Variants in MUC4 observed in about 807,000 individuals in gnomAD.
The protein encoded by MUC4 is mucin 4, cell surface associated.
Under a neutral mutation model 257.9 loss-of-function variants are expected in MUC4, and 202 were observed. The observed-to-expected ratio is 0.78, with a 90% CI of 0.70 to 0.88. The LOEUF (loss-of-function observed/expected upper bound fraction) is 0.88. Among genes scored for constraint, MUC4 ranks in the 40% least tolerant of loss-of-function variants. MUC4 has a pLI of 0.00. For missense variants in MUC4, 5,976 were observed against 6,513.7 expected (o/e 0.92, Z 2.84); for synonymous variants, 2,351 against 2,757.1 (o/e 0.85, Z 4.62).
At chr3:195,792,912 CAT>C (rs1734046227) in intron 1 of MUC4, among the ~76,000 whole-genome samples, 1 of 152,128 alleles carries the variant, frequency 6.6e-6, no homozygotes, top group African/African-American at 2.4e-5. Context: ...TGTTTTCACT[CAT>C]AAGTTGGAGT....
At chr3:195,792,095 A>C (rs182281188) in intron 1 of MUC4, among the ~76,000 whole-genome samples, 140 of 152,326 alleles carry the variant, frequency 9.2e-4, no homozygotes, top group Non-Finnish European at 1.8e-3. Flanking sequence ...TTTATGATGA[A>C]ATCTCCAAAA....
At chr3:195,750,590 T>C (rs1244388684) in intron 23 of MUC4, 2 of 502,372 alleles carry the variant, frequency 4.0e-6, no homozygotes, top group Admixed American at 3.6e-5. Flanking sequence ...TGCAATGGCA[T>C]TTTAAGAAAA....
chr3:195,800,794 T>C (rs1735196784), intron 1 of MUC4, among the ~76,000 whole-genome samples: 2 of 150,360 alleles, frequency 1.3e-5, no homozygotes, highest in African/African-American at 4.9e-5. Flanking sequence ...TGGTAGCTCA[T>C]GCCTAAAATC....
In MUC4 at chr3:195,779,382, A is replaced by G. The variant is rs1204009188; in HGVS notation, c.12198T>C (p.His4066=). Residue 4066 remains histidine, a synonymous_variant, in exon 2 of 25, where the codon CAT becomes CAC. Transcript: ENST00000463781. ...SLSTGHATPL[H]VTSPSSASRG... ...TGGATGCTGAGGAAGGGCTGGTGAC[A>G]TGAAGAGGGGTGGCGTGACCTGTGG... 1.5e-5 allele frequency: 18 copies of G among 1,213,628 alleles called. 4 individuals carry two copies. The Admixed American group carries it at 3.4e-4, about 23-fold the overall frequency. The allele number at this position is 1,213,628 out of a possible 1,614,324, so 75.2% of individuals were successfully genotyped here.
chr3:195,811,041 C>T lies in MUC4; in HGVS notation c.82+695G>A, dbSNP rs1379569803. Among the ~76,000 whole-genome samples, 3 of 152,198 alleles carry T rather than the reference C, an allele frequency of 2.0e-5. No individual in the cohort carries two copies. The Middle Eastern group carries it at 0.01, about 518-fold the overall frequency. Reference sequence around the variant, plus strand: ...CCTCTGTTCTCTTTTCTCTCTCTTTCGAGCATTCTCCCTCTGTCTTTCCCC... The same window carrying T: ...CCTCTGTTCTCTTTTCTCTCTCTTTTGAGCATTCTCCCTCTGTCTTTCCCC... On this transcript the variant is annotated intron_variant, in intron 1 of 24. Transcript: ENST00000463781.
At chr3:195,809,950 G>C (rs1261023048) in intron 1 of MUC4, 2 of 152,604 alleles carry the variant, frequency 1.3e-5, no homozygotes, top group Non-Finnish European at 2.9e-5. Context: ...CTAAATCCAA[G>C]CTGCCTCCCC....
chr3:195,774,244 C>G lies in MUC4; in HGVS notation c.13005G>C (p.Val4335=). Residue 4335 remains valine, a synonymous_variant, in exon 4 of 25, where the codon GTG becomes GTC. Transcript: ENST00000463781. ...GCTTGAAGAGTGGGGAGGTGAAGTC[C>G]ACGGTCCTCCTGACGAACTCCAGGT... ...AGDLEFVRRT[V]DFTSPLFKPA... is the part of the protein sequence containing the mutation. 6.2e-7 allele frequency: 1 copy of G among 1,603,214 alleles called. No individual in the cohort carries two copies. The highest frequency in any genetic ancestry group is 2.3e-5 in the East Asian group (1 of 43,940).
chr3:195,784,981 G>A lies in MUC4; in HGVS notation c.6599C>T (p.Ser2200Leu). 6.7e-7 allele frequency: 1 copy of A among 1,489,804 alleles called. No individual in the cohort carries two copies. The highest frequency in any genetic ancestry group is 9.1e-7 in the Non-Finnish European group (1 of 1,102,922). 92.3% of individuals were successfully genotyped at this position (1,489,804 alleles called of 1,614,324 possible). Residue 2200 changes from serine (S) to leucine (L), a missense_variant, in exon 2 of 25, where the codon TCA becomes TTA. Transcript: ENST00000463781. ...ATPLPVTDTS[S>L]ASTGQATPLP... ...AGGGGTGGCCTGACCTGTGGATGCT[G>A]AGGAAGTGTCGGTGACAGGAAGAGG...
chr3:195,752,989 G>A (rs759596236), intron 20 of MUC4, 62 bp downstream of exon 20: 293 of 1,407,788 alleles, frequency 2.1e-4, no homozygotes, highest in Non-Finnish European at 2.7e-4. Context: ...GCGGAGTGCG[G>A]GGGTGAGAGG....
chr3:195,769,083 C>T lies in MUC4; in HGVS notation c.13468G>A (p.Gly4490Ser), dbSNP rs761654769. 74 of 1,614,004 alleles carry T rather than the reference C, an allele frequency of 4.6e-5. No homozygotes were observed. The highest frequency in any genetic ancestry group is 2.0e-4 in the East Asian group (9 of 44,890). The change falls in exon 7 of 25, where the codon GGT becomes AGT. Residue 4490 changes from glycine (G) to serine (S), a missense_variant. This residue lies in a region of MUC4 where 996 missense variants were observed against 1,137.3 expected (regional missense o/e 0.88). Coordinates refer to ENST00000463781, the MANE Select transcript of MUC4 (RefSeq NM_018406.7). ...TGGGCCACGTCCCACTGCATCCCAC[C>T]GCTCTGGTAGAGAAACAGGGCATAG... ...RSYALFLYQS[G>S]GMQWDVAQRS... is the part of the protein sequence containing the mutation.
chr3:195,807,735 G>C (rs1736160542), intron 1 of MUC4, among the ~76,000 whole-genome samples: 1 of 152,200 alleles, frequency 6.6e-6, no homozygotes. Flanking sequence ...CATATTTTAA[G>C]CACTTAACAG....
In MUC4 at chr3:195,783,840, G is replaced by C; in HGVS notation, c.7740C>G (p.Thr2580=). The C allele has an allele frequency of 6.7e-7, 1 of 1,490,868 alleles. No homozygotes were observed. The highest frequency in any genetic ancestry group is 9.0e-7 in the Non-Finnish European group (1 of 1,107,018). The allele number at this position is 1,490,868 out of a possible 1,614,324, so 92.4% of individuals were successfully genotyped here. A position where few individuals can be genotyped will look rare whatever the true frequency, so the allele number is the denominator to read the frequency against. The part of the protein sequence containing the change: ...STGHATPLPV[T]STSSASTGDT... ...CACCTGTGGATGCTGAGGAAGTGCT[G>C]GTGACAGGAAGAGGGGTGGCGTGAC... The change falls in exon 2 of 25, where the codon ACC becomes ACG. Residue 2580 remains threonine, a synonymous_variant. Transcript: ENST00000463781.
At chr3:195,760,747 T>C in intron 16 of MUC4, 137 bp downstream of exon 16, 1 of 735,132 alleles carries the variant, frequency 1.4e-6, no homozygotes, top group Non-Finnish European at 2.3e-6. Flanking sequence ...CTCTGAAGGG[T>C]TTGAGCAGAG....
chr3:195,764,994 C>T lies in MUC4; in HGVS notation c.13924+3G>A, dbSNP rs1359926117. On this transcript the variant is annotated splice_donor_region_variant and intron_variant, in intron 10 of 24. Transcript: ENST00000463781. ...GTGGGGTTGAGATCACGGACTCACG[C>T]ACCCAACTGCCAAGGACGCTGCACG... 1.2e-6 allele frequency: 2 copies of T among 1,613,480 alleles called. No homozygotes were observed. The highest frequency in any genetic ancestry group is 1.7e-6 in the Non-Finnish European group (2 of 1,179,746).
intron 21 of MUC4, 38 bp downstream of exon 21, chr3:195,752,335 C>T (rs779318288): frequency 3.2e-6 from 5 of 1,560,266 alleles, no homozygotes; most frequent in East Asian, 2.2e-5. Context: ...ACCCGCCAAG[C>T]GCCCCCTCCC....
chr3:195,782,180 C>T lies in MUC4; in HGVS notation c.9400G>A (p.Ala3134Thr), dbSNP rs1205405937. 153 of 1,296,398 alleles carry T rather than the reference C, an allele frequency of 1.2e-4. No individual in the cohort carries two copies. The highest frequency in any genetic ancestry group is 1.6e-4 in the Admixed American group (6 of 38,240). 80.3% of individuals were successfully genotyped at this position (1,296,398 alleles called of 1,614,324 possible). A position where few individuals can be genotyped will look rare whatever the true frequency, so the allele number is the denominator to read the frequency against. The change falls in exon 2 of 25, where the codon GCC becomes ACC. Residue 3134 changes from alanine (A) to threonine (T), a missense_variant. Around this residue, in one of 44 missense-constraint regions of MUC4, gnomAD observed 128 missense variants for 104.8 expected, o/e 1.22. Coordinates refer to ENST00000463781, the MANE Select transcript of MUC4 (RefSeq NM_018406.7). The part of the protein sequence containing the change: ...TDTSSASTGQ[A>T]TALPVTSTSS... ...GTGCTGGTGACAGGAAGAGCGGTGG[C>T]CTGACCTGTGGATGCTGAGGAAGTG...
At position 195,752,374 on chromosome 3, in the gene MUC4, G is replaced by A. The variant is rs765914627; in HGVS notation, c.15581C>T (p.Ser5194Leu). ...ENASMAEVNA[S>L]VAYRLGTLDM... The stretch of plus-strand genomic sequence containing the variant: ...CAGAGCGCGGCCTGCAGCACTGACC[G>A]AGGCGTTGACTTCTGCCATGGAGGC... Residue 5194 changes from serine to leucine, a missense_variant and splice_region_variant, in exon 21 of 25, where the codon TCG (serine) becomes TTG (leucine). Physicochemically the swap from Ser to Leu is moderately radical, Grantham distance 145 (BLOSUM62 -2). This residue lies in a region of MUC4 where 996 missense variants were observed against 1,137.3 expected (regional missense o/e 0.88). Coordinates refer to ENST00000463781, the MANE Select transcript of MUC4 (RefSeq NM_018406.7). The A allele has an allele frequency of 1.8e-5, 29 of 1,612,726 alleles. No individual in the cohort carries two copies. The highest frequency in any genetic ancestry group is 8.3e-5 in the Admixed American group (5 of 60,004).
chr3:195,761,865 A>C (rs1044108509), intron 14 of MUC4, among the ~76,000 whole-genome samples: 2 of 152,002 alleles, frequency 1.3e-5, no homozygotes, highest in African/African-American at 4.8e-5. Context: ...GCCTCCCCGC[A>C]GCCCCCCCTG....
Position 195,789,634 on chromosome 3 carries a change from G to C in MUC4, c.1946C>G (p.Ser649Ter). Residue 649 changes from serine (S) to a stop codon, truncating the protein, a stop_gained, in exon 2 of 25, where the codon TCA becomes TGA. Coordinates refer to ENST00000463781, the MANE Select transcript of MUC4 (RefSeq NM_018406.7). LOFTEE classifies it high-confidence loss of function. ...GGGGGAGACGGACCTCGTGGTTTGTGATTCTTGTGTGGTCTGCGGGGCTTG... is the reference window on the plus strand; with the variant it reads ...GGGGGAGACGGACCTCGTGGTTTGTCATTCTTGTGTGGTCTGCGGGGCTTG... ...HTQAPQTTQE[S>*]QTTRSVSPMT... 2.5e-6 allele frequency: 4 copies of C among 1,614,012 alleles called. No individual in the cohort carries two copies. Among genetic ancestry groups the C allele is most frequent in the Non-Finnish European group, 3.4e-6 (4 of 1,179,872 alleles).
Sources: allele counts gnomAD v4.1 joint callset (sites outside exome capture counted in the v4.1 genomes callset), GRCh38; gene constraint gnomAD v4.1.1; regional missense constraint gnomAD v4.1.1; transcripts MANE v1.5; gene names NCBI Gene and HGNC (gene_info 2026-07-23, HGNC 2026-07-21).